MTTP: variants seen among roughly 807,000 people sequenced by gnomAD.
The protein encoded by MTTP is microsomal triglyceride transfer protein large subunit.
Under a neutral mutation model 90.6 loss-of-function variants are expected in MTTP, and 49 were observed. That is an observed-to-expected ratio of 0.54 (90% CI 0.43 to 0.69). MTTP has a LOEUF of 0.69. MTTP is among the 30% of genes least tolerant of loss of function. MTTP has a pLI of 0.00. For synonymous variants in MTTP, 347 were observed against 384.2 expected, an observed-to-expected ratio of 0.90 and a Z score of 1.13; for missense variants, 945 against 1,067.5, an observed-to-expected ratio of 0.89 and a Z score of 1.60.
chr4:99,601,575 G>A (rs747225860), intron 9 of MTTP, 32 bp from the exon 10 acceptor site: 1 of 1,403,036 alleles, frequency 7.1e-7, no homozygotes, highest in African/African-American at 1.4e-5. Flanking sequence ...TAAATGTCTT[G>A]GTAACCTATT....
intron 14 of MTTP, among the ~76,000 whole-genome samples, chr4:99,612,106 C>T (rs1442868507): frequency 1.3e-5 from 2 of 152,104 alleles, no homozygotes; most frequent in Admixed American, 6.6e-5. Flanking sequence ...CTTGTAAATA[C>T]AGCCATTTAA....
chr4:99,585,353 C>CAACT, intron 3 of MTTP, among the ~76,000 whole-genome samples: 1 of 152,108 alleles, frequency 6.6e-6, no homozygotes, highest in East Asian at 1.9e-4. Flanking sequence ...TATGGTCATA[C>CAACT]AACTGGCAGG....
intron 1 of MTTP, among the ~76,000 whole-genome samples, chr4:99,581,464 C>G (rs1725109521): frequency 6.6e-6 from 1 of 152,126 alleles, no homozygotes; most frequent in Non-Finnish European, 1.5e-5. Context: ...TAAAGAACTT[C>G]CTTCTAACCA....
At chr4:99,602,524 C>A (rs1331501102) in intron 10 of MTTP, among the ~76,000 whole-genome samples, 1 of 151,914 alleles carries the variant, frequency 6.6e-6, no homozygotes, top group Non-Finnish European at 1.5e-5. Context: ...TAAGTGCTTG[C>A]TATTAAAAAT....
Position 99,621,917 on chromosome 4 carries a change from C to T in MTTP, c.2513+686C>T, listed in dbSNP as rs368784805. ...TGACCCTTTCATAATAGTTGACCTACGGTAAGCATAAGGGTCATTTGTACA... is the reference window on the plus strand; with the variant it reads ...TGACCCTTTCATAATAGTTGACCTATGGTAAGCATAAGGGTCATTTGTACA... On this transcript the variant is annotated intron_variant, in intron 17 of 17. Coordinates refer to ENST00000265517, the MANE Select transcript of MTTP (RefSeq NM_001386140.1). Among the ~76,000 whole-genome samples the T allele has an allele frequency of 6.6e-5, 10 of 152,248 alleles. No homozygotes were observed. The East Asian group carries it at 1.7e-3, about 26-fold the overall frequency.
intron 1 of MTTP, among the ~76,000 whole-genome samples, chr4:99,580,107 T>G (rs1352025057): frequency 6.7e-6 from 1 of 149,526 alleles, no homozygotes; most frequent in Non-Finnish European, 1.5e-5. Context: ...TGTTAACTGG[T>G]GTAGTCCCAG....
At chr4:99,601,502 A>T (rs1725696136) in intron 9 of MTTP, 105 bp from the exon 10 acceptor site, 1 of 906,712 alleles carries the variant, frequency 1.1e-6, no homozygotes, top group Non-Finnish European at 1.8e-6. Context: ...CAATCTAGAA[A>T]CATAAAAATA....
chr4:99,566,623 T>A (rs1724708697), intron 1 of MTTP, among the ~76,000 whole-genome samples: 1 of 152,182 alleles, frequency 6.6e-6, no homozygotes, highest in African/African-American at 2.4e-5. Context: ...CCAGATCTCA[T>A]TTTTTTAAGA....
At chr4:99,589,543 A>T in intron 3 of MTTP, 100 bp from the exon 4 acceptor site, 1 of 743,280 alleles carries the variant, frequency 1.3e-6, no homozygotes, top group South Asian at 1.5e-5. Flanking sequence ...TTCTCCCAGG[A>T]TTAATACAGG....
chr4:99,585,372 T>A (rs1236913299), intron 3 of MTTP, among the ~76,000 whole-genome samples: 1 of 151,960 alleles, frequency 6.6e-6, no homozygotes, highest in Non-Finnish European at 1.5e-5. Context: ...GGTGGTGGAG[T>A]TGGGACTTGA....
upstream of MTTP, among the ~76,000 whole-genome samples, chr4:99,572,527 T>G (rs1724861789): frequency 6.6e-6 from 1 of 152,068 alleles, no homozygotes; most frequent in Non-Finnish European, 1.5e-5. Flanking sequence ...TTCAGTAAAT[T>G]AATCTGAGAC....
intron 3 of MTTP, among the ~76,000 whole-genome samples, chr4:99,588,251 A>G (rs1316054973): frequency 6.6e-6 from 1 of 152,114 alleles, no homozygotes; most frequent in Non-Finnish European, 1.5e-5. Context: ...TTTAGAAGCT[A>G]TGGTTGGTTT....
Position 99,613,089 on chromosome 4 carries a change from CG to C in MTTP, c.2167del (p.Asp723ThrfsTer6). On this transcript the variant is annotated frameshift_variant, in exon 15 of 18. Coordinates refer to ENST00000265517, the MANE Select transcript of MTTP (RefSeq NM_001386140.1). LOFTEE classifies it high-confidence loss of function. ...TGTCCAAAATGCTGTCAGCATCTGG[CG>C]ACCCTATCAGTGTGGTGAAAGGACT... ...LMSKMLSASG[D>X]PISVVKGLIL... The C allele has an allele frequency of 6.2e-7, 1 of 1,613,980 alleles. No individual in the cohort carries two copies. Among genetic ancestry groups the C allele is most frequent in the Non-Finnish European group, 8.5e-7 (1 of 1,179,936 alleles).
chr4:99,571,206 A>G (rs970061499), upstream of MTTP, among the ~76,000 whole-genome samples: 3 of 151,994 alleles, frequency 2.0e-5, no homozygotes, highest in Admixed American at 6.6e-5. Context: ...TTCCACTTCA[A>G]ATAAATTCAT....
chr4:99,589,702 T>A lies in MTTP; in HGVS notation c.453T>A (p.Gly151=), dbSNP rs991811. The change falls in exon 4 of 18, where the codon GGT becomes GGA. Residue 151 remains glycine, a synonymous_variant. Coordinates refer to ENST00000265517, the MANE Select transcript of MTTP (RefSeq NM_001386140.1). ...TGGCCATAGAAAATATCAAGAGAGG[T>A]CTGGCTAGCCTATTTCAGACACAGT... ...EAVAIENIKR[G]LASLFQTQLS... The A allele has an allele frequency of 6.2e-7, 1 of 1,607,740 alleles. No individual in the cohort carries two copies. Among genetic ancestry groups the A allele is most frequent in the Non-Finnish European group, 8.5e-7 (1 of 1,174,846 alleles).
At chr4:99,574,716 T>C, upstream of MTTP, 5 of 1,280,746 alleles carry the variant, frequency 3.9e-6, no homozygotes, top group East Asian at 2.5e-5. Flanking sequence ...CACCTACGTT[T>C]AATCATTAAT....
intron 15 of MTTP, among the ~76,000 whole-genome samples, chr4:99,615,207 G>A (rs1448406936): frequency 1.3e-5 from 2 of 152,154 alleles, no homozygotes; most frequent in South Asian, 2.1e-4. Context: ...AATATTTTAC[G>A]CTTTGCAGGC....
At position 99,600,686 on chromosome 4, in the gene MTTP, T is replaced by A. The variant is rs1196286780; in HGVS notation, c.1189T>A (p.Cys397Ser). The A allele has an allele frequency of 1.2e-6, 2 of 1,613,732 alleles. No individual in the cohort carries two copies. Among genetic ancestry groups the A allele is most frequent in the Non-Finnish European group, 1.7e-6 (2 of 1,179,794 alleles). ...IILQERFLYA[C>S]GFASHPNEEL... ...CCTCCAGGAGAGGTTTCTCTATGCC[T>A]GTGGATTTGCTTCTCATCCCAATGA... Residue 397 changes from cysteine (C) to serine (S), a missense_variant, in exon 9 of 18, where the codon TGT (cysteine) becomes AGT (serine). Transcript: ENST00000265517.
chr4:99,606,956 A>G lies in MTTP; in HGVS notation c.1553A>G (p.Asp518Gly). The change falls in exon 11 of 18, where the codon GAT (aspartate) becomes GGT (glycine). Residue 518 changes from aspartate to glycine, a missense_variant. Asp to Gly is a moderately conservative substitution (Grantham distance 94). Transcript: ENST00000265517. ...LQRYDLPFIT[D>G]EVKKTLNRIY... The stretch of plus-strand genomic sequence containing the variant: ...AGATATGATCTCCCTTTCATAACTG[A>G]TGAGGTAAAATCTCCAAGAATATTT... 6.2e-7 allele frequency: 1 copy of G among 1,611,944 alleles called. No homozygotes were observed. The highest frequency in any genetic ancestry group is 8.5e-7 in the Non-Finnish European group (1 of 1,178,342).
Sources: gnomAD v4.1 joint callset for allele counts (sites outside exome capture counted in the v4.1 genomes callset) on GRCh38, gnomAD v4.1.1 for gene constraint, MANE v1.5 for transcripts, NCBI Gene and HGNC (gene_info 2026-07-23, HGNC 2026-07-21) for gene names.